CDH13: variants seen among roughly 807,000 people sequenced by gnomAD.
CDH13 encodes cadherin-13.
CDH13 carries 24 observed loss-of-function variants against 63.8 expected under a neutral mutation model. The ratio of observed to expected loss-of-function variants is 0.38; its 90% CI spans 0.27 to 0.53. CDH13 has a LOEUF of 0.53. Among genes scored for constraint, CDH13 ranks in the 20% least tolerant of loss-of-function variants. CDH13 has a pLI of 0.85. For synonymous variants in CDH13, 503 were observed against 355.3 expected, an observed-to-expected ratio of 1.42 and a Z score of -4.67; for missense variants, 1,049 against 903.1, an observed-to-expected ratio of 1.16 and a Z score of -2.07.
intron 1 of CDH13, among the ~76,000 whole-genome samples, chr16:82,795,062 A>G (rs2036516187): frequency 6.6e-6 from 1 of 152,114 alleles, no homozygotes; most frequent in South Asian, 2.1e-4. Flanking sequence ...CTCATTCATG[A>G]TGTTTGCTTC....
chr16:82,830,828 G>T (rs1263051085), intron 1 of CDH13, among the ~76,000 whole-genome samples: 1 of 152,180 alleles, frequency 6.6e-6, no homozygotes, highest in Non-Finnish European at 1.5e-5. Context: ...CCTGGGCATA[G>T]CCTGGCTCTT....
intron 10 of CDH13, among the ~76,000 whole-genome samples, chr16:83,730,038 A>G (rs1388642673): frequency 1.3e-5 from 2 of 152,194 alleles, no homozygotes; most frequent in Admixed American, 1.3e-4. Flanking sequence ...ATACCTACCT[A>G]CTATAAAGAT....
At chr16:83,123,577 C>G (rs1439189651) in intron 3 of CDH13, among the ~76,000 whole-genome samples, 1 of 152,142 alleles carries the variant, frequency 6.6e-6, no homozygotes, top group East Asian at 1.9e-4. Context: ...CTGCATCTGG[C>G]CCCACATTTT....
intron 1 of CDH13, among the ~76,000 whole-genome samples, chr16:82,809,769 T>C (rs2151177700): frequency 6.6e-6 from 1 of 152,264 alleles, no homozygotes; most frequent in Admixed American, 6.5e-5. Context: ...TCAAGACCCG[T>C]TTTCTGAGCC....
chr16:83,163,437 G>C (rs146545614), intron 4 of CDH13, among the ~76,000 whole-genome samples: 1 of 151,988 alleles, frequency 6.6e-6, no homozygotes, highest in Non-Finnish European at 1.5e-5. Flanking sequence ...ATTGTGAACC[G>C]CCCGCTAACC....
At chr16:82,812,147 G>C (rs2037477151) in intron 1 of CDH13, among the ~76,000 whole-genome samples, 1 of 152,010 alleles carries the variant, frequency 6.6e-6, no homozygotes, top group African/African-American at 2.4e-5. Flanking sequence ...AACAATCATT[G>C]TGCCAACAGA....
At chr16:83,358,712 T>G (rs1366842558) in intron 6 of CDH13, among the ~76,000 whole-genome samples, 1 of 152,194 alleles carries the variant, frequency 6.6e-6, no homozygotes, top group Non-Finnish European at 1.5e-5. Flanking sequence ...ATGCCTTTCA[T>G]GCACCAGTTT....
At chr16:83,584,639 G>C (rs72793492) in intron 7 of CDH13, among the ~76,000 whole-genome samples, 24,533 of 152,176 alleles carry the variant, frequency 0.16, 2,206 homozygotes, top group Middle Eastern at 0.25. Context: ...ATGATCCCTC[G>C]ATAGTGTCCA....
intron 1 of CDH13, among the ~76,000 whole-genome samples, chr16:82,723,521 T>C (rs542615161): frequency 1.3e-5 from 2 of 152,218 alleles, no homozygotes; most frequent in African/African-American, 2.4e-5. Flanking sequence ...AAGTTCTCCA[T>C]GCAAATTTGC....
chr16:83,031,949 A>G (rs1344112475), intron 2 of CDH13, 61 bp from the exon 3 acceptor site: 2 of 1,284,994 alleles, frequency 1.6e-6, no homozygotes, highest in East Asian at 2.5e-5. Context: ...GGTCAGAGAT[A>G]TCTCAGAGAT....
At chr16:82,963,402 GGAAA>G (rs1388545640) in intron 2 of CDH13, among the ~76,000 whole-genome samples, 1 of 151,880 alleles carries the variant, frequency 6.6e-6, no homozygotes, top group Non-Finnish European at 1.5e-5. Context: ...AGAAATAACT[GGAAA>G]GAAAGTACCA....
At chr16:83,249,199 A>T (rs1053955457) in intron 5 of CDH13, among the ~76,000 whole-genome samples, 4 of 152,214 alleles carry the variant, frequency 2.6e-5, no homozygotes, top group Admixed American at 2.0e-4. Context: ...TCTCATATTT[A>T]TTGACCAGAC....
intron 8 of CDH13, among the ~76,000 whole-genome samples, chr16:83,614,855 C>A: frequency 6.6e-6 from 1 of 152,302 alleles, no homozygotes; most frequent in East Asian, 1.9e-4. Flanking sequence ...AGTACCCACT[C>A]CATCTCATAC....
chr16:83,397,828 C>G (rs556468028), intron 6 of CDH13: 1 of 152,128 alleles, frequency 6.6e-6, no homozygotes, highest in South Asian at 2.1e-4. Flanking sequence ...GGCAGTTTGC[C>G]CTGTCCATAT....
chr16:82,885,451 T>G (rs888969297), intron 2 of CDH13, among the ~76,000 whole-genome samples: 5 of 56,248 alleles, frequency 8.9e-5, no homozygotes, highest in Non-Finnish European at 1.2e-4. Flanking sequence ...ACCCACTCAT[T>G]CATTCATCCA....
chr16:82,635,837 C>T (rs1159872529), intron 1 of CDH13, among the ~76,000 whole-genome samples: 1 of 152,136 alleles, frequency 6.6e-6, no homozygotes, highest in Non-Finnish European at 1.5e-5. Context: ...TTGCTTTAAT[C>T]GTGATAGTGA....
intron 6 of CDH13, among the ~76,000 whole-genome samples, chr16:83,444,612 A>C (rs1271675355): frequency 6.6e-6 from 1 of 152,180 alleles, no homozygotes; most frequent in Non-Finnish European, 1.5e-5. Context: ...ATAGTGCCCA[A>C]GGAATTTTCA....
chr16:83,141,820 T>C (rs951690047), intron 4 of CDH13, among the ~76,000 whole-genome samples: 8 of 152,220 alleles, frequency 5.3e-5, no homozygotes, highest in Non-Finnish European at 1.2e-4. Context: ...TCCAGCTTTA[T>C]CCATGTCCCT....
intron 8 of CDH13, among the ~76,000 whole-genome samples, chr16:83,665,302 G>T (rs1043594353): frequency 1.3e-5 from 2 of 152,158 alleles, no homozygotes; most frequent in African/African-American, 4.8e-5. Flanking sequence ...CAATTTCTTA[G>T]TAAGAATTTC....
Sources: allele counts gnomAD v4.1 joint callset (sites outside exome capture counted in the v4.1 genomes callset), GRCh38; gene constraint gnomAD v4.1.1; transcripts MANE v1.5; gene names NCBI Gene and HGNC (gene_info 2026-07-23, HGNC 2026-07-21).